L2HGDH: variants seen among roughly 807,000 people sequenced by gnomAD.
The protein encoded by L2HGDH is L-2-hydroxyglutarate dehydrogenase, also known as L-2-hydroxyglutarate dehydrogenase, mitochondrial.
In L2HGDH, 34 loss-of-function variants were observed where a neutral mutation model predicts 51.5. The ratio of observed to expected loss-of-function variants is 0.66; its 90% CI spans 0.50 to 0.88. The LOEUF is 0.88. Ranked by LOEUF, L2HGDH falls within the 40% of genes least tolerant of loss-of-function variation. The pLI is 0.00. For synonymous variants in L2HGDH, 198 were observed against 197.9 expected (o/e 1.00, Z -0.01); for missense variants, 558 against 571.9 (o/e 0.98, Z 0.25).
intron 3 of L2HGDH, 58 bp downstream of exon 3, chr14:50,301,959 A>C (rs1463720692): frequency 1.3e-6 from 2 of 1,546,414 alleles, no homozygotes; most frequent in Admixed American, 1.7e-5. Context: ...TGTAATATTA[A>C]ACATCACTAA....
rs578205780 is a variant in L2HGDH, at chr14:50,309,279, C to T, written c.140+2732G>A. 5.9e-5 allele frequency among the ~76,000 whole-genome samples: 9 copies of T among 152,100 alleles called. No individual in the cohort carries two copies. In the East Asian group the frequency reaches 1.7e-3, roughly 29 times the overall value. On this transcript the variant is annotated intron_variant, in intron 1 of 9. Coordinates refer to ENST00000267436, the MANE Select transcript of L2HGDH (RefSeq NM_024884.3). ...GAATATTTGGTGATATAAAAAATTT[C>T]AGGCCGGGTGCAGTGGCTCATGCCT...
At chr14:50,293,144 G>T in intron 4 of L2HGDH, 1 of 681,118 alleles carries the variant, frequency 1.5e-6, no homozygotes, top group South Asian at 1.6e-5. Context: ...TAAACATTAT[G>T]GTAGTAGCAC....
At position 50,244,743 on chromosome 14, in the gene L2HGDH, T is replaced by C. The variant is rs1183033402; in HGVS notation, c.*2315A>G. On this transcript the variant is annotated 3_prime_UTR_variant, in exon 10 of 10. Transcript: ENST00000267436. ...GTAGCTCAATCAATGTAATCATCAA[T>C]GCTTGAAGTGAGGGGAAAAGGAAGA... 1.0e-6 allele frequency: 1 copy of C among 985,324 alleles called. No individual in the cohort carries two copies. Among genetic ancestry groups the C allele is most frequent in the African/African-American group, 1.7e-5 (1 of 57,234 alleles). 61.0% of individuals were successfully genotyped at this position (985,324 alleles called of 1,614,324 possible). A position where few individuals can be genotyped will look rare whatever the true frequency, so the allele number is the denominator to read the frequency against.
rs894354275 is a variant in L2HGDH, at chr14:50,251,859, A to G, written c.1197-4606T>C. Among the ~76,000 whole-genome samples, 10 of 152,118 alleles carry G rather than the reference A, an allele frequency of 6.6e-5. 1 individual carries two copies. Among genetic ancestry groups the G allele is most frequent in the African/African-American group, 2.4e-5 (1 of 41,446 alleles). ...CAACACTAGATATGTCCTACAAGAA[A>G]TACTAAAGAGAGTTCTTCAATCTGA... is the stretch of plus-strand genomic sequence containing the variant. On this transcript the variant is annotated intron_variant, in intron 9 of 9. Transcript: ENST00000267436.
chr14:50,310,589 T>C (rs956763584), intron 1 of L2HGDH, among the ~76,000 whole-genome samples: 6 of 151,642 alleles, frequency 4.0e-5, no homozygotes, highest in African/African-American at 7.3e-5. Flanking sequence ...ACAGGAAGCA[T>C]TGGGGAGGGG....
chr14:50,280,652 G>C (rs1386689356), intron 5 of L2HGDH, among the ~76,000 whole-genome samples: 1 of 151,812 alleles, frequency 6.6e-6, no homozygotes, highest in African/African-American at 2.4e-5. Flanking sequence ...TGCAAATTAA[G>C]AAAAAATTAT....
At chr14:50,290,673 T>A (rs1309911063) in intron 4 of L2HGDH, among the ~76,000 whole-genome samples, 6 of 149,656 alleles carry the variant, frequency 4.0e-5, no homozygotes, top group Non-Finnish European at 9.0e-5. Flanking sequence ...ATTTCATATA[T>A]TTTTTTTTGA....
intron 9 of L2HGDH, among the ~76,000 whole-genome samples, chr14:50,257,801 T>C (rs1023926477): frequency 2.0e-5 from 3 of 151,656 alleles, no homozygotes; most frequent in African/African-American, 4.8e-5. Flanking sequence ...TTTTGATTAA[T>C]TGAAGCATAT....
At chr14:50,291,222 AAAC>A (rs1566531258) in intron 4 of L2HGDH, among the ~76,000 whole-genome samples, 5 of 151,072 alleles carry the variant, frequency 3.3e-5, no homozygotes, top group Non-Finnish European at 5.9e-5. Context: ...AAAAAAAAAA[AAAC>A]AAACAAAAAA....
chr14:50,301,320 G>A (rs547082639), intron 3 of L2HGDH, among the ~76,000 whole-genome samples: 1 of 152,030 alleles, frequency 6.6e-6, no homozygotes, highest in South Asian at 2.1e-4. Context: ...TCCCCTCCCA[G>A]GTATATAACC....
intron 9 of L2HGDH, among the ~76,000 whole-genome samples, chr14:50,263,231 G>C (rs1889138755): frequency 6.6e-6 from 1 of 152,158 alleles, no homozygotes; most frequent in Admixed American, 6.5e-5. Context: ...TCTATTTTCA[G>C]ATATAAAACA....
chr14:50,277,795 TAA>T (rs1890055649), intron 6 of L2HGDH, among the ~76,000 whole-genome samples: 1 of 145,364 alleles, frequency 6.9e-6, no homozygotes, highest in Non-Finnish European at 1.5e-5. Flanking sequence ...ATAATAATAA[TAA>T]TAATAATAAT....
Position 50,244,406 on chromosome 14 carries a change from A to G in L2HGDH, c.*2652T>C. ...GATTGAGGACTGCTTCAATTAGGAC[A>G]ATCATTTTTTGTAATTCAATGTTTA... is the stretch of plus-strand genomic sequence containing the variant. On this transcript the variant is annotated 3_prime_UTR_variant, in exon 10 of 10. Transcript: ENST00000267436. 1 of 985,392 alleles carries G rather than the reference A, an allele frequency of 1.0e-6. No individual in the cohort carries two copies. Among genetic ancestry groups the G allele is most frequent in the South Asian group, 4.7e-5 (1 of 21,290 alleles). 61.0% of individuals were successfully genotyped at this position (985,392 alleles called of 1,614,324 possible). A position where few individuals can be genotyped will look rare whatever the true frequency, so the allele number is the denominator to read the frequency against.
chr14:50,291,805 A>G (rs2139186918), intron 4 of L2HGDH, among the ~76,000 whole-genome samples: 1 of 152,362 alleles, frequency 6.6e-6, no homozygotes, highest in South Asian at 2.1e-4. Context: ...AAACACATAT[A>G]AAACTATACA....
chr14:50,309,226 C>G (rs2030908972), intron 1 of L2HGDH, among the ~76,000 whole-genome samples: 1 of 152,032 alleles, frequency 6.6e-6, no homozygotes, highest in Non-Finnish European at 1.5e-5. Context: ...GTCCAAAGAT[C>G]TTGTCCTTTT....
In L2HGDH at chr14:50,246,809, G is replaced by T; in HGVS notation, c.*249C>A. On this transcript the variant is annotated 3_prime_UTR_variant, in exon 10 of 10. Coordinates refer to ENST00000267436, the MANE Select transcript of L2HGDH (RefSeq NM_024884.3). ...CAATCTCAGCTCTCAGCTCACCTCCGTCTGCTCGGTTCAATTGATTCTCCT... is the reference window on the plus strand; with the variant it reads ...CAATCTCAGCTCTCAGCTCACCTCCTTCTGCTCGGTTCAATTGATTCTCCT... 2.1e-6 allele frequency: 1 copy of T among 465,878 alleles called. No individual in the cohort carries two copies. Among genetic ancestry groups the T allele is most frequent in the South Asian group, 2.6e-5 (1 of 38,006 alleles). The allele number at this position is 465,878 out of a possible 1,614,324, so 28.9% of individuals were successfully genotyped here.
At chr14:50,265,915 A>G (rs958403282) in intron 8 of L2HGDH, among the ~76,000 whole-genome samples, 2 of 152,110 alleles carry the variant, frequency 1.3e-5, no homozygotes, top group Non-Finnish European at 2.9e-5. Context: ...CCCTCTCTCA[A>G]TCAACCAATC....
At chr14:50,282,807 CAA>C (rs1480934674) in intron 5 of L2HGDH, among the ~76,000 whole-genome samples, 1 of 152,006 alleles carries the variant, frequency 6.6e-6, no homozygotes, top group Non-Finnish European at 1.5e-5. Flanking sequence ...TTTGGGAGGT[CAA>C]GTGGGCAGAT....
In L2HGDH at chr14:50,284,032, C is replaced by T; in HGVS notation, c.542G>A (p.Gly181Asp). The change falls in exon 5 of 10, where the codon GGT becomes GAT. Residue 181 changes from glycine (G) to aspartate (D), a missense_variant and splice_region_variant. Around this residue, in one of 3 missense-constraint regions of L2HGDH, gnomAD observed 43 missense variants for 72.9 expected, o/e 0.59. Transcript: ENST00000267436. ...ATGTGGACAATCAATAGCCATTAGA[C>T]CCTGAAACAGAATTATGAAAAGATA... The part of the protein sequence containing the change: ...DIKKKEPYCR[G>D]LMAIDCPHTG... The T allele has an allele frequency of 6.2e-7, 1 of 1,612,968 alleles. No homozygotes were observed. Among genetic ancestry groups the T allele is most frequent in the Non-Finnish European group, 8.5e-7 (1 of 1,179,034 alleles).
Sources: allele counts gnomAD v4.1 joint callset (sites outside exome capture counted in the v4.1 genomes callset), GRCh38; gene constraint gnomAD v4.1.1; regional missense constraint gnomAD v4.1.1; transcripts MANE v1.5; gene names NCBI Gene and HGNC (gene_info 2026-07-23, HGNC 2026-07-21).